ATP13A2: variants seen among roughly 807,000 people sequenced by gnomAD.
The protein encoded by ATP13A2 is polyamine-transporting ATPase 13A2.
A neutral mutation model predicts 138.3 loss-of-function variants in ATP13A2; 83 were observed. The observed-to-expected ratio is 0.60, with a 90% CI of 0.50 to 0.72. The LOEUF (loss-of-function observed/expected upper bound fraction) is 0.72. Ranked by LOEUF, ATP13A2 falls within the 30% of genes least tolerant of loss-of-function variation. The pLI is 0.00. For synonymous variants in ATP13A2, 663 were observed against 699.0 expected, an observed-to-expected ratio of 0.95 and a Z score of 0.81; for missense variants, 1,402 against 1,606.4, an observed-to-expected ratio of 0.87 and a Z score of 2.17.
At position 16,988,202 on chromosome 1, in the gene ATP13A2, C is replaced by T. The variant is rs12129596; in HGVS notation, c.2795G>A (p.Ser932Asn). 6.2e-7 allele frequency: 1 copy of T among 1,614,204 alleles called. No homozygotes were observed. The highest frequency in any genetic ancestry group is 8.5e-7 in the Non-Finnish European group (1 of 1,180,034). The change falls in exon 25 of 29, where the codon AGC (serine) becomes AAC (asparagine). Residue 932 changes from serine to asparagine, a missense_variant. Ser to Asn is a conservative substitution (Grantham distance 46). Transcript: ENST00000326735. The part of the protein sequence containing the change: ...EGRCSLDTSF[S>N]VFKYMALYSL... The stretch of plus-strand genomic sequence containing the variant: ...GTACAGAGCCATGTACTTGAAGACG[C>T]TGAACGAAGTGTCAAGGGAACAGCG...
At chr1:16,998,593 G>C (rs1266907827) in intron 11 of ATP13A2, among the ~76,000 whole-genome samples, 3 of 152,076 alleles carry the variant, frequency 2.0e-5, no homozygotes, top group Non-Finnish European at 4.4e-5. Context: ...ACTCTCTCCA[G>C]TATCTACCAC....
Position 16,990,273 on chromosome 1 carries a change from T to A in ATP13A2, c.2266A>T (p.Thr756Ser). The change falls in exon 21 of 29, where the codon ACA becomes TCA. Residue 756 changes from threonine (T) to serine (S), a missense_variant. Thr to Ser is a moderately conservative substitution (Grantham distance 58, BLOSUM62 1). Coordinates refer to ENST00000326735, the MANE Select transcript of ATP13A2 (RefSeq NM_022089.4). Reference protein sequence around the residue: ...AVMVTGDNLQTAVTVARGCGM... With the variant: ...AVMVTGDNLQSAVTVARGCGM... ...CAGCCCCGGGCCACAGTCACCGCTG[T>A]CTGCAGGTTGTCCCCTGGGGGTTAT... is the stretch of plus-strand genomic sequence containing the variant. The A allele has an allele frequency of 5.0e-6, 8 of 1,614,014 alleles. No individual in the cohort carries two copies. Among genetic ancestry groups the A allele is most frequent in the Non-Finnish European group, 6.8e-6 (8 of 1,180,024 alleles).
intron 8 of ATP13A2, among the ~76,000 whole-genome samples, chr1:17,001,742 G>A (rs561638910): frequency 2.7e-4 from 41 of 152,336 alleles, no homozygotes; most frequent in Admixed American, 2.4e-3. Flanking sequence ...GCTCTAGGGC[G>A]TGTCTCTGGG....
At chr1:16,990,379 A>G (rs528731161) in intron 20 of ATP13A2, 92 bp from the exon 21 acceptor site, 1 of 1,523,534 alleles carries the variant, frequency 6.6e-7, no homozygotes, top group South Asian at 1.2e-5. Context: ...GGCTGGATGA[A>G]ATCCGTCTGC....
At position 16,996,104 on chromosome 1, in the gene ATP13A2, C is replaced by T; in HGVS notation, c.1414G>A (p.Ala472Thr). 6.2e-7 allele frequency: 1 copy of T among 1,614,106 alleles called. No individual in the cohort carries two copies. Reference protein sequence around the residue: ...LDLVTVVVPPALPAAMTVCTL... With the variant: ...LDLVTVVVPPTLPAAMTVCTL... ...CACACAGTCATGGCAGCAGGCAGGG[C>T]AGGTGGCACCACCACGGTCACCAGG... Residue 472 changes from alanine (A) to threonine (T), a missense_variant, in exon 15 of 29, where the codon GCC becomes ACC. Physicochemically the swap from Ala to Thr is moderately conservative, Grantham distance 58 (BLOSUM62 0). Coordinates refer to ENST00000326735, the MANE Select transcript of ATP13A2 (RefSeq NM_022089.4).
At position 17,004,529 on chromosome 1, in the gene ATP13A2, G is replaced by A; in HGVS notation, c.478-118C>T. On this transcript the variant is annotated intron_variant, in intron 5 of 28. Transcript: ENST00000326735. The surrounding 1 kb of genome is among the most constrained non-coding windows in gnomAD (Gnocchi z 4.1). ...GCAGGGACTGGTGTCACCAGACAGAGAGGTGGGGAGAGGCCTGAAAGTGTA... is the reference window on the plus strand; with the variant it reads ...GCAGGGACTGGTGTCACCAGACAGAAAGGTGGGGAGAGGCCTGAAAGTGTA... 1 of 1,525,880 alleles carries A rather than the reference G, an allele frequency of 6.6e-7. No homozygotes were observed. Among genetic ancestry groups the A allele is most frequent in the Non-Finnish European group, 9.0e-7 (1 of 1,113,104 alleles). 94.5% of individuals were successfully genotyped at this position (1,525,880 alleles called of 1,614,324 possible).
intron 11 of ATP13A2, 77 bp downstream of exon 11, chr1:16,999,934 T>C (rs1294819119): frequency 3.0e-5 from 44 of 1,478,388 alleles, no homozygotes; most frequent in Non-Finnish European, 3.4e-5. Flanking sequence ...GAAACTCAAA[T>C]GAAAACTTTT....
rs754083030 is a variant in ATP13A2 at position 16,987,289 on chromosome 1, A to G, written c.2860-20T>C. 6.2e-7 allele frequency: 1 copy of G among 1,611,588 alleles called. No homozygotes were observed. Among genetic ancestry groups the G allele is most frequent in the Non-Finnish European group, 8.5e-7 (1 of 1,178,694 alleles). On this transcript the variant is annotated intron_variant, in intron 25 of 28. Transcript: ENST00000326735. Reference sequence around the variant, plus strand: ...GTTGATCTGCCACAGGGAAGGGAGGACAGAGGGGAAACTAAGACCTGGCCC... The same window carrying G: ...GTTGATCTGCCACAGGGAAGGGAGGGCAGAGGGGAAACTAAGACCTGGCCC...
rs774186900 is a variant in ATP13A2 at position 17,005,855 on chromosome 1, C to T, written c.11-77G>A. The T allele has an allele frequency of 1.8e-4, 253 of 1,423,342 alleles. 1 individual carries two copies. In the Middle Eastern group the frequency reaches 2.9e-3, roughly 16 times the overall value. The allele number at this position is 1,423,342 out of a possible 1,614,324, so 88.2% of individuals were successfully genotyped here. A position where few individuals can be genotyped will look rare whatever the true frequency, so the allele number is the denominator to read the frequency against. ...TTCCTTAAAAACAATAAACATCAGC[C>T]TGGGCGCGGTGGCTCACGCCTGTAA... On this transcript the variant is annotated intron_variant, in intron 1 of 28. Coordinates refer to ENST00000326735, the MANE Select transcript of ATP13A2 (RefSeq NM_022089.4).
chr1:16,990,127 C>T lies in ATP13A2; in HGVS notation c.2412G>A (p.Lys804=), dbSNP rs978493820. The change falls in exon 21 of 29, where the codon AAG becomes AAA. Residue 804 remains lysine (K), a splice_region_variant and synonymous_variant. Transcript: ENST00000326735. ...MESPTAVNGV[K]DPDQAASYTV... The stretch of plus-strand genomic sequence containing the variant: ...AGCTGGAACTCTGGGTTAGCCTCAC[C>T]TTAACGCCATTCACGGCTGTGGGGG... The T allele has an allele frequency of 8.7e-6, 14 of 1,614,170 alleles. No homozygotes were observed. In the Admixed American group the frequency reaches 1.2e-4, roughly 13 times the overall value.
chr1:16,993,575 T>C (rs908520989), intron 16 of ATP13A2, 54 bp downstream of exon 16: 12 of 1,494,150 alleles, frequency 8.0e-6, no homozygotes, highest in Admixed American at 2.1e-5. Context: ...CAGGGTGGGA[T>C]TCGTTAGGCC....
intron 1 of ATP13A2, among the ~76,000 whole-genome samples, chr1:17,007,767 G>A (rs1379377806): frequency 1.3e-5 from 2 of 152,036 alleles, no homozygotes; most frequent in Non-Finnish European, 2.9e-5. Flanking sequence ...TAGCCAGGAT[G>A]GTCTCGATCT....
In ATP13A2 at chr1:16,991,839, G is replaced by A. The variant is rs2076941986; in HGVS notation, c.2146C>T (p.Leu716=). Residue 716 remains leucine, a synonymous_variant, in exon 20 of 29, where the codon CTG becomes TTG. Coordinates refer to ENST00000326735, the MANE Select transcript of ATP13A2 (RefSeq NM_022089.4). ...QLTRDTVEGD[L]SLLGLLVMRN... is the part of the protein sequence containing the mutation. ...ATGACCAGCAGCCCCAGGAGGCTCA[G>A]GTCTCCTTCCACAGTGTCCCTGGAG... 2 of 1,614,098 alleles carry A rather than the reference G, an allele frequency of 1.2e-6. No individual in the cohort carries two copies. Among genetic ancestry groups the A allele is most frequent in the Non-Finnish European group, 1.7e-6 (2 of 1,180,028 alleles).
In ATP13A2 at chr1:17,004,560, G is replaced by A; in HGVS notation, c.477+132C>T. 1.3e-6 allele frequency: 2 copies of A among 1,574,848 alleles called. No individual in the cohort carries two copies. Among genetic ancestry groups the A allele is most frequent in the Non-Finnish European group, 1.7e-6 (2 of 1,152,340 alleles). On this transcript the variant is annotated intron_variant, in intron 5 of 28. Transcript: ENST00000326735. The surrounding 1 kb of genome is among the most constrained non-coding windows in gnomAD (Gnocchi z 4.1). ...GGGAGAGGCCTGAAAGTGTAAACGT[G>A]CTCAGACAGCATCCTGGATGTTTGG...
chr1:17,000,418 C>A lies in ATP13A2; in HGVS notation c.822G>T (p.Ser274=), dbSNP rs138649639. The A allele has an allele frequency of 6.2e-7, 1 of 1,613,536 alleles. No homozygotes were observed. Among genetic ancestry groups the A allele is most frequent in the South Asian group, 1.1e-5 (1 of 90,964 alleles). ...FLISSISICL[S]LYKTRKQSQT... ...CACTCACCTTTCTGGTCTTGTACAG[C>A]GACAGGCAGATGGAGATGGAGGAAA... Residue 274 remains serine, a synonymous_variant, in exon 9 of 29, where the codon TCG becomes TCT. Transcript: ENST00000326735.
At position 16,986,447 on chromosome 1, in the gene ATP13A2, C is replaced by T. The variant is rs757418466; in HGVS notation, c.3405+16G>A. The stretch of plus-strand genomic sequence containing the variant: ...CTCCCTTCTCTCCCGCTGCTGAGAC[C>T]CAGGGCGGGCCCCACCTCCAGCATG... On this transcript the variant is annotated intron_variant, in intron 28 of 28. Transcript: ENST00000326735. The surrounding 1 kb of genome is among the most constrained non-coding windows in gnomAD (Gnocchi z 6.9). The T allele has an allele frequency of 6.2e-7, 1 of 1,611,186 alleles. No homozygotes were observed.
chr1:17,000,470 T>G lies in ATP13A2; in HGVS notation c.770A>C (p.Tyr257Ser). 6.2e-7 allele frequency: 1 copy of G among 1,613,748 alleles called. No homozygotes were observed. The highest frequency in any genetic ancestry group is 1.1e-5 in the South Asian group (1 of 91,054). ...GAGGAAGATGCACAGGGCGTACCAGTAGTAGTGGTCAGCCAGCCACAGCGC... is the reference window on the plus strand; with the variant it reads ...GAGGAAGATGCACAGGGCGTACCAGGAGTAGTGGTCAGCCAGCCACAGCGC... ...SIALWLADHY[Y>S]WYALCIFLIS... Residue 257 changes from tyrosine to serine, a missense_variant, in exon 9 of 29, where the codon TAC becomes TCC. Transcript: ENST00000326735.
chr1:16,992,187 C>T (rs1442873948), intron 18 of ATP13A2, 56 bp downstream of exon 18: 1 of 1,610,664 alleles, frequency 6.2e-7, no homozygotes, highest in Non-Finnish European at 8.5e-7. Flanking sequence ...GGCTGGGTAC[C>T]CACCCCATTC....
intron 25 of ATP13A2, among the ~76,000 whole-genome samples, chr1:16,987,534 C>G (rs1325241305): frequency 6.6e-6 from 1 of 152,230 alleles, no homozygotes; most frequent in Non-Finnish European, 1.5e-5. Flanking sequence ...GTAACAAACT[C>G]CCGGCCCGAA....
Sources: gnomAD v4.1 joint callset for allele counts (sites outside exome capture counted in the v4.1 genomes callset) on GRCh38, gnomAD v4.1.1 for gene constraint, Gnocchi (gnomAD v3.1) non-coding constraint, MANE v1.5 for transcripts, NCBI Gene and HGNC (gene_info 2026-07-23, HGNC 2026-07-21) for gene names.